The following CYP19A1 variants were observed in gnomAD, a reference collection of about 807,000 sequenced individuals.
CYP19A1 encodes the protein aromatase.
CYP19A1 carries 32 observed loss-of-function variants against 44.4 expected under a neutral mutation model. That is an observed-to-expected ratio of 0.72 (90% confidence interval 0.54 to 0.97). CYP19A1 has a LOEUF of 0.97. Ranked by LOEUF, CYP19A1 falls within the 50% of genes least tolerant of loss-of-function variation. The pLI is 0.00. For missense variants in CYP19A1, 598 were observed against 637.8 expected (o/e 0.94, Z 0.67); for synonymous variants, 212 against 215.6 (o/e 0.98, Z 0.14).
chr15:51,227,794 G>T lies in CYP19A1; in HGVS notation c.436C>A (p.Pro146Thr). Residue 146 changes from proline (P) to threonine (T), a missense_variant, in exon 4 of 10, where the codon CCC becomes ACC. By Grantham distance (38) the Pro-to-Thr change is conservative. Transcript: ENST00000396402. The part of the protein sequence containing the change: ...NNPELWKTTR[P>T]FFMKALSGPG... ...ACCTGCTTACCTTTCATAAAGAAGGGTCGAGTTGTTTTCCAGAGCTCTGGA... is the reference window on the plus strand; with the variant it reads ...ACCTGCTTACCTTTCATAAAGAAGGTTCGAGTTGTTTTCCAGAGCTCTGGA... The T allele has an allele frequency of 6.5e-7, 1 of 1,530,456 alleles. No homozygotes were observed. The highest frequency in any genetic ancestry group is 9.1e-7 in the Non-Finnish European group (1 of 1,103,826). The allele number at this position is 1,530,456 out of a possible 1,614,324, so 94.8% of individuals were successfully genotyped here.
At chr15:51,223,593 T>TCTCTCTCACA (rs1356666512) in intron 4 of CYP19A1, among the ~76,000 whole-genome samples, 1,642 of 90,164 alleles carry the variant, frequency 0.018, 24 homozygotes, top group Non-Finnish European at 0.028. Flanking sequence ...TCTCTCTCTC[T>TCTCTCTCACA]CACACACACA....
rs186699466 is a variant in CYP19A1 at position 51,263,593 on chromosome 15, A to G, written c.-38-20643T>C. 3.7e-3 allele frequency among the ~76,000 whole-genome samples: 560 copies of G among 152,288 alleles called. 2 individuals are homozygous for G. The highest frequency in any genetic ancestry group is 6.0e-3 in the Non-Finnish European group (411 of 68,030). ...GTGAGGAAGAGGTCAAAGATTTGGA[A>G]AAGAGAGGGTATAGCTGACAGAACA... On this transcript the variant is annotated intron_variant, in intron 1 of 9. Transcript: ENST00000396402.
chr15:51,233,508 A>C (rs1460055946), intron 3 of CYP19A1, among the ~76,000 whole-genome samples: 1 of 152,236 alleles, frequency 6.6e-6, no homozygotes. Context: ...TATTTAATGG[A>C]TGAAGAGCCA....
intron 4 of CYP19A1, among the ~76,000 whole-genome samples, chr15:51,227,338 G>A (rs1462960513): frequency 6.6e-6 from 1 of 152,076 alleles, no homozygotes; most frequent in Non-Finnish European, 1.5e-5. Flanking sequence ...CATAATGAAT[G>A]TTAGCTCTTC....
intron 1 of CYP19A1, among the ~76,000 whole-genome samples, chr15:51,295,415 A>G (rs984833156): frequency 5.9e-5 from 9 of 152,058 alleles, no homozygotes; most frequent in East Asian, 3.9e-4. Context: ...ATTCCTCTCT[A>G]TGGAGTTACT....
intron 1 of CYP19A1, among the ~76,000 whole-genome samples, chr15:51,332,229 G>A (rs1217750790): frequency 6.6e-6 from 1 of 151,816 alleles, no homozygotes; most frequent in East Asian, 1.9e-4. Context: ...TTTGTCACTG[G>A]TAGTCAAACT....
At position 51,209,181 on chromosome 15, in the gene CYP19A1, T is replaced by C. The variant is rs1372112846; in HGVS notation, c.*1627A>G. 6.6e-6 allele frequency: 1 copy of C among 152,190 alleles called. No homozygotes were observed. The highest frequency in any genetic ancestry group is 1.5e-5 in the Non-Finnish European group (1 of 68,028). The allele number at this position is 152,190 out of a possible 1,614,324, so 9.4% of individuals were successfully genotyped here. A position where few individuals can be genotyped will look rare whatever the true frequency, so the allele number is the denominator to read the frequency against. The stretch of plus-strand genomic sequence containing the variant: ...CCAAATAATTCCAAGCTCAAATAAA[T>C]GTTTTATTCTTTACTAATGTCCATT... On this transcript the variant is annotated 3_prime_UTR_variant, in exon 10 of 10. Coordinates refer to ENST00000396402, the MANE Select transcript of CYP19A1 (RefSeq NM_000103.4).
chr15:51,315,728 G>T lies in CYP19A1; in HGVS notation c.-39+22767C>A, dbSNP rs564997928. 3.3e-5 allele frequency: 5 copies of T among 152,266 alleles called. No individual in the cohort carries two copies. In the South Asian group the frequency reaches 1.0e-3, roughly 32 times the overall value. 9.4% of individuals were successfully genotyped at this position (152,266 alleles called of 1,614,324 possible). On this transcript the variant is annotated intron_variant, in intron 1 of 9. Coordinates refer to ENST00000396402, the MANE Select transcript of CYP19A1 (RefSeq NM_000103.4). ...GATCTCCCTTCAGTGCCTAATTCAG[G>T]GCCCTGCAGATTCTGGGTGCCAAGG...
chr15:51,246,255 C>A (rs1357755038), intron 1 of CYP19A1, among the ~76,000 whole-genome samples: 1 of 152,156 alleles, frequency 6.6e-6, no homozygotes, highest in Admixed American at 6.5e-5. Context: ...GTAATACCCT[C>A]CCCTCACCCC....
intron 1 of CYP19A1, among the ~76,000 whole-genome samples, chr15:51,303,040 C>T (rs1029919834): frequency 6.6e-6 from 1 of 152,220 alleles, no homozygotes; most frequent in African/African-American, 2.4e-5. Flanking sequence ...GTCTCCCAAC[C>T]CTGAAGGACC....
chr15:51,221,232 T>C (rs114675691), intron 5 of CYP19A1: 1 of 152,204 alleles, frequency 6.6e-6, no homozygotes, highest in African/African-American at 2.4e-5. Flanking sequence ...TGGTAAATAA[T>C]GTTCTAAAAG....
rs114387408 is a variant in CYP19A1 at position 51,330,226 on chromosome 15, C to A, written c.-39+8269G>T. On this transcript the variant is annotated intron_variant, in intron 1 of 9. Transcript: ENST00000396402. ...CTGTGTATGAACATATCACATGGAC[C>A]GAAGAATCGAGTCTGGGCTCACAAA... Among the ~76,000 whole-genome samples, 982 of 151,994 alleles carry A rather than the reference C, an allele frequency of 6.5e-3. 12 individuals carry two copies. The highest frequency in any genetic ancestry group is 0.023 in the African/African-American group (946 of 41,410).
chr15:51,321,047 C>T (rs1051710970), intron 1 of CYP19A1: 1 of 152,282 alleles, frequency 6.6e-6, no homozygotes, highest in African/African-American at 2.4e-5. Context: ...TGGGTGGGTT[C>T]TCTCCACCCT....
chr15:51,213,274 G>A (rs28757195), intron 8 of CYP19A1, among the ~76,000 whole-genome samples: 3,766 of 152,268 alleles, frequency 0.025, 150 homozygotes, highest in African/African-American at 0.086. Context: ...GGGTGAGCTG[G>A]GGATAGATGG....
At chr15:51,241,279 G>A (rs2033748081) in intron 2 of CYP19A1, among the ~76,000 whole-genome samples, 1 of 152,144 alleles carries the variant, frequency 6.6e-6, no homozygotes, top group Non-Finnish European at 1.5e-5. Flanking sequence ...CATCTGCGGG[G>A]ACTTTTTAAA....
intron 1 of CYP19A1, among the ~76,000 whole-genome samples, chr15:51,330,047 G>A (rs535653265): frequency 1.1e-3 from 167 of 152,250 alleles, no homozygotes; most frequent in African/African-American, 3.9e-3. Context: ...GGGGAGAAGA[G>A]GAAAACAGGC....
At chr15:51,260,436 C>A (rs1326894851) in intron 1 of CYP19A1, among the ~76,000 whole-genome samples, 1 of 152,194 alleles carries the variant, frequency 6.6e-6, no homozygotes, top group Non-Finnish European at 1.5e-5. Context: ...AGCAGGCCCA[C>A]ACAGATAGCT....
At chr15:51,212,226 G>C in intron 9 of CYP19A1, 94 bp downstream of exon 9, 1 of 910,768 alleles carries the variant, frequency 1.1e-6, no homozygotes, top group South Asian at 1.3e-5. Flanking sequence ...TAAGAAAAAT[G>C]AAGTATTTAT....
intron 1 of CYP19A1, among the ~76,000 whole-genome samples, chr15:51,275,991 T>C (rs1219889533): frequency 1.3e-5 from 2 of 152,246 alleles, no homozygotes; most frequent in Non-Finnish European, 2.9e-5. Flanking sequence ...CTAGGACTTT[T>C]AGACGCTAAA....
Sources: allele counts gnomAD v4.1 joint callset (sites outside exome capture counted in the v4.1 genomes callset), GRCh38; gene constraint gnomAD v4.1.1; transcripts MANE v1.5; gene names NCBI Gene and HGNC (gene_info 2026-07-23, HGNC 2026-07-21).